The following ADGRL3 variants were observed in gnomAD, a reference collection of about 807,000 sequenced individuals.
ADGRL3 encodes the protein adhesion G protein-coupled receptor L3.
ADGRL3 carries 62 observed loss-of-function variants against 153.5 expected under a neutral mutation model. That is an observed-to-expected ratio of 0.40 (90% CI 0.33 to 0.50). The LOEUF (loss-of-function observed/expected upper bound fraction) is 0.50. ADGRL3 is among the 20% of genes least tolerant of loss of function. The pLI, the probability that ADGRL3 is intolerant of heterozygous loss-of-function variation, is 0.47. For missense variants in ADGRL3, 1,641 were observed against 1,859.4 expected (o/e 0.88, Z 2.16); for synonymous variants, 710 against 672.5 (o/e 1.06, Z -0.86).
At chr4:61,259,613 T>C (rs1203777176) in intron 1 of ADGRL3, among the ~76,000 whole-genome samples, 1 of 152,086 alleles carries the variant, frequency 6.6e-6, no homozygotes, top group Admixed American at 6.6e-5. Context: ...CATGAAGCCT[T>C]CCTGAACAGC....
intron 1 of ADGRL3, among the ~76,000 whole-genome samples, chr4:61,335,697 G>A (rs1006893351): frequency 6.6e-6 from 1 of 152,178 alleles, no homozygotes; most frequent in Non-Finnish European, 1.5e-5. Flanking sequence ...ATATATCAGG[G>A]TGCCTGCACT....
chr4:61,534,252 T>C (rs944959989), intron 4 of ADGRL3, among the ~76,000 whole-genome samples: 2 of 152,186 alleles, frequency 1.3e-5, no homozygotes, highest in South Asian at 2.1e-4. Flanking sequence ...GATTAGTTGG[T>C]TGTCACTGTG....
At chr4:61,956,153 A>G (rs2098965365) in intron 17 of ADGRL3, among the ~76,000 whole-genome samples, 1 of 152,174 alleles carries the variant, frequency 6.6e-6, no homozygotes, top group Non-Finnish European at 1.5e-5. Flanking sequence ...ATTCCCACCA[A>G]TAGTGTAAAA....
intron 6 of ADGRL3, among the ~76,000 whole-genome samples, chr4:61,723,933 G>A (rs2151686261): frequency 6.6e-6 from 1 of 152,214 alleles, no homozygotes; most frequent in African/African-American, 2.4e-5. Context: ...TTTCGATGAG[G>A]ATGAAATAAA....
At chr4:61,750,810 A>AAAAG (rs746270309) in intron 8 of ADGRL3, among the ~76,000 whole-genome samples, 2 of 147,092 alleles carry the variant, frequency 1.4e-5, no homozygotes, top group African/African-American at 5.3e-5. Flanking sequence ...AAAAAAAAAA[A>AAAAG]AAGTCAAAGC....
chr4:61,996,422 C>A, intron 20 of ADGRL3, 65 bp downstream of exon 20: 1 of 1,095,608 alleles, frequency 9.1e-7, no homozygotes, highest in Non-Finnish European at 1.4e-6. Flanking sequence ...TATCCCAGTA[C>A]TGACTGTCTT....
At chr4:61,396,965 A>C (rs2096875334) in intron 2 of ADGRL3, among the ~76,000 whole-genome samples, 1 of 151,030 alleles carries the variant, frequency 6.6e-6, no homozygotes, top group Admixed American at 6.6e-5. Context: ...TATTATTATT[A>C]TTATTATTCC....
At chr4:61,873,638 A>G (rs1158126785) in intron 9 of ADGRL3, among the ~76,000 whole-genome samples, 1 of 152,148 alleles carries the variant, frequency 6.6e-6, no homozygotes, top group Non-Finnish European at 1.5e-5. Flanking sequence ...TTTCATGTTT[A>G]GATTATTATA....
chr4:61,862,671 G>T (rs748617231), intron 9 of ADGRL3, among the ~76,000 whole-genome samples: 1 of 152,062 alleles, frequency 6.6e-6, no homozygotes, highest in Admixed American at 6.6e-5. Context: ...ATCCCTGGAC[G>T]AGCAGCATTA....
At chr4:61,293,008 C>G (rs1373904652) in intron 1 of ADGRL3, among the ~76,000 whole-genome samples, 2 of 152,150 alleles carry the variant, frequency 1.3e-5, no homozygotes, top group South Asian at 4.1e-4. Flanking sequence ...GGTTAATCGT[C>G]GTCTTTGCTT....
At chr4:61,926,931 T>G (rs923817662) in intron 13 of ADGRL3, among the ~76,000 whole-genome samples, 3 of 152,206 alleles carry the variant, frequency 2.0e-5, no homozygotes, top group Admixed American at 2.0e-4. Flanking sequence ...CTCTTTCACC[T>G]CTGTGCCTGT....
At chr4:61,672,053 A>G (rs577707647) in intron 5 of ADGRL3, among the ~76,000 whole-genome samples, 3 of 152,270 alleles carry the variant, frequency 2.0e-5, no homozygotes, top group Admixed American at 6.5e-5. Context: ...GAAGCTTTGT[A>G]GTTAGATGCA....
chr4:61,828,159 A>G (rs772207559), intron 9 of ADGRL3, among the ~76,000 whole-genome samples: 12 of 152,228 alleles, frequency 7.9e-5, no homozygotes, highest in Non-Finnish European at 1.8e-4. Context: ...CTGGTCACCA[A>G]ATGGTCCATG....
chr4:61,362,919 G>T (rs1028822085), intron 1 of ADGRL3, among the ~76,000 whole-genome samples: 5 of 151,982 alleles, frequency 3.3e-5, no homozygotes, highest in Non-Finnish European at 7.4e-5. Flanking sequence ...TATTGCTAAT[G>T]TATAGTTTTC....
intron 17 of ADGRL3, among the ~76,000 whole-genome samples, chr4:61,961,325 G>A (rs1274150800): frequency 1.3e-5 from 2 of 152,188 alleles, no homozygotes; most frequent in Admixed American, 1.3e-4. Context: ...GTTGTGGAGA[G>A]TATGTAGAAC....
In ADGRL3 at chr4:61,505,412, A is replaced by T. The variant is rs80347610; in HGVS notation, c.55+8064A>T. Among the ~76,000 whole-genome samples, 33 of 152,214 alleles carry T rather than the reference A, an allele frequency of 2.2e-4. 2 individuals are homozygous for T. In the East Asian group the frequency reaches 5.8e-3, roughly 27 times the overall value. On this transcript the variant is annotated intron_variant, in intron 3 of 26. Coordinates refer to ENST00000683033, the MANE Select transcript of ADGRL3 (RefSeq NM_001387552.1). ...ATTGTTATTATGACTATAAAAATTA[A>T]TAATTGTCCATAATTGAAACTTTAT...
At chr4:61,210,517 C>A (rs1252475806) in intron 1 of ADGRL3, among the ~76,000 whole-genome samples, 1 of 148,334 alleles carries the variant, frequency 6.7e-6, no homozygotes, top group Non-Finnish European at 1.5e-5. Flanking sequence ...TTTCAACAGT[C>A]TCCTGTTTTG....
At chr4:61,339,396 T>C (rs2151103089) in intron 1 of ADGRL3, among the ~76,000 whole-genome samples, 1 of 152,284 alleles carries the variant, frequency 6.6e-6, no homozygotes, top group South Asian at 2.1e-4. Flanking sequence ...AATGCAGAGA[T>C]CTTAGACATT....
At position 61,673,965 on chromosome 4, in the gene ADGRL3, C is replaced by A. The variant is rs75968203; in HGVS notation, c.474-2861C>A. On this transcript the variant is annotated intron_variant, in intron 5 of 26. Coordinates refer to ENST00000683033, the MANE Select transcript of ADGRL3 (RefSeq NM_001387552.1). Reference sequence around the variant, plus strand: ...TTATATACCACTGAACAGACACTATCTCATTAATTAGAAGGCTTTCTTGAC... The same window carrying A: ...TTATATACCACTGAACAGACACTATATCATTAATTAGAAGGCTTTCTTGAC... Among the ~76,000 whole-genome samples, 1,352 of 151,194 alleles carry A rather than the reference C, an allele frequency of 8.9e-3. 22 individuals carry two copies. The highest frequency in any genetic ancestry group is 0.062 in the South Asian group (298 of 4,800).
Sources: gnomAD v4.1 joint callset for allele counts (sites outside exome capture counted in the v4.1 genomes callset) on GRCh38, gnomAD v4.1.1 for gene constraint, MANE v1.5 for transcripts, NCBI Gene and HGNC (gene_info 2026-07-23, HGNC 2026-07-21) for gene names.